Variants in PTPRD observed in about 807,000 individuals in gnomAD.
PTPRD encodes the protein protein tyrosine phosphatase receptor type D.
In PTPRD, 34 loss-of-function variants were observed where a neutral mutation model predicts 214.5. That is an observed-to-expected ratio of 0.16 (90% CI 0.12 to 0.21). The LOEUF (loss-of-function observed/expected upper bound fraction) is 0.21, where lower values mean the gene tolerates loss of function less well. PTPRD is among the 10% of genes least tolerant of loss of function. PTPRD has a pLI of 1.00. For missense variants in PTPRD, 2,545 were observed against 2,398.7 expected, an observed-to-expected ratio of 1.06 and a Z score of -1.27; for synonymous variants, 1,128 against 845.7, an observed-to-expected ratio of 1.33 and a Z score of -5.79.
In PTPRD at chr9:8,517,203, G is replaced by T. The variant is rs544050731; in HGVS notation, c.1543+645C>A. Among the ~76,000 whole-genome samples the T allele has an allele frequency of 6.8e-4, 104 of 151,920 alleles. 1 individual carries two copies. Among genetic ancestry groups the T allele is most frequent in the African/African-American group, 2.4e-3 (100 of 41,470 alleles). On this transcript the variant is annotated intron_variant, in intron 21 of 45. Coordinates refer to ENST00000381196, the MANE Select transcript of PTPRD (RefSeq NM_002839.4). ...ACCAAAGAGGTTTGATAACCTCTTAGAAAAATAAAACCACTGGGAGGGCCA... is the reference window on the plus strand; with the variant it reads ...ACCAAAGAGGTTTGATAACCTCTTATAAAAATAAAACCACTGGGAGGGCCA...
At chr9:8,940,280 C>CTTT (rs34342718) in intron 11 of PTPRD, among the ~76,000 whole-genome samples, 1,020 of 88,950 alleles carry the variant, frequency 0.011, 66 homozygotes, top group African/African-American at 0.042. Context: ...TCTCTCTCTC[C>CTTT]TTTTTTTTTT....
At chr9:9,354,587 C>T (rs1045958798) in intron 9 of PTPRD, among the ~76,000 whole-genome samples, 3 of 151,690 alleles carry the variant, frequency 2.0e-5, no homozygotes, top group South Asian at 2.1e-4. Context: ...AAGTTTCCTT[C>T]CCCTGTAGAA....
intron 8 of PTPRD, among the ~76,000 whole-genome samples, chr9:9,490,958 T>A (rs1463811425): frequency 2.0e-5 from 2 of 101,410 alleles, no homozygotes; most frequent in East Asian, 5.9e-4. Context: ...TGAACTATAA[T>A]GAACTAATAT....
Position 10,022,540 on chromosome 9 carries a change from G to T in PTPRD, c.-472+11178C>A, listed in dbSNP as rs533335417. On this transcript the variant is annotated intron_variant, in intron 4 of 45. Transcript: ENST00000381196. ...ACGGTTTTTGCCATTGAAAGTAATGGCATTACATTTCAGCAAGTAACTGGA... is the reference window on the plus strand; with the variant it reads ...ACGGTTTTTGCCATTGAAAGTAATGTCATTACATTTCAGCAAGTAACTGGA... Among the ~76,000 whole-genome samples the T allele has an allele frequency of 1.3e-3, 193 of 152,202 alleles. 2 individuals carry two copies. Among genetic ancestry groups the T allele is most frequent in the African/African-American group, 4.2e-3 (174 of 41,528 alleles).
At chr9:10,225,268 T>C (rs2099585132) in intron 3 of PTPRD, among the ~76,000 whole-genome samples, 1 of 152,062 alleles carries the variant, frequency 6.6e-6, no homozygotes, top group Non-Finnish European at 1.5e-5. Flanking sequence ...ATGGTTACTA[T>C]AATCACAAAT....
intron 12 of PTPRD, among the ~76,000 whole-genome samples, chr9:8,684,739 G>A (rs2097643591): frequency 6.6e-6 from 1 of 151,998 alleles, no homozygotes; most frequent in African/African-American, 2.4e-5. Flanking sequence ...CAATATTAAG[G>A]GTGCCTGCTG....
intron 7 of PTPRD, among the ~76,000 whole-genome samples, chr9:9,656,870 T>G (rs1383640257): frequency 6.6e-6 from 1 of 150,394 alleles, no homozygotes; most frequent in East Asian, 1.9e-4. Flanking sequence ...TAGGAAAAGA[T>G]ATATATATAT....
intron 11 of PTPRD, among the ~76,000 whole-genome samples, chr9:8,870,714 A>ACGCACACACACACACACG (rs145739792): frequency 6.7e-6 from 1 of 149,978 alleles, no homozygotes; most frequent in Admixed American, 6.7e-5. Flanking sequence ...ACACACACAC[A>ACGCACACACACACACACG]CACACACACA....
intron 34 of PTPRD, among the ~76,000 whole-genome samples, chr9:8,437,545 C>T (rs2095403372): frequency 6.6e-6 from 1 of 152,112 alleles, no homozygotes; most frequent in Admixed American, 6.5e-5. Flanking sequence ...AAAATGTTTC[C>T]ACTAGTAGCA....
At chr9:10,030,833 C>G (rs1253509328) in intron 4 of PTPRD, among the ~76,000 whole-genome samples, 3 of 152,180 alleles carry the variant, frequency 2.0e-5, no homozygotes, top group Admixed American at 6.5e-5. Flanking sequence ...CCTTCGGACT[C>G]TATGGTTTGT....
chr9:9,320,129 A>C (rs1310484970), intron 9 of PTPRD, among the ~76,000 whole-genome samples: 2 of 152,186 alleles, frequency 1.3e-5, no homozygotes, highest in Non-Finnish European at 2.9e-5. Context: ...ATTTAGGTAT[A>C]TAAGAATTCC....
At chr9:10,158,425 T>C (rs1232482856) in intron 3 of PTPRD, among the ~76,000 whole-genome samples, 1 of 152,238 alleles carries the variant, frequency 6.6e-6, no homozygotes, top group Non-Finnish European at 1.5e-5. Context: ...CATTTTGTAA[T>C]AATGAATTGC....
intron 12 of PTPRD, among the ~76,000 whole-genome samples, chr9:8,641,458 C>G (rs1174283900): frequency 6.7e-6 from 1 of 148,516 alleles, no homozygotes; most frequent in East Asian, 1.9e-4. Flanking sequence ...TTGCAAAATG[C>G]ATTTGTGCTC....
intron 12 of PTPRD, among the ~76,000 whole-genome samples, chr9:8,660,517 T>C (rs2097019449): frequency 6.6e-6 from 1 of 152,138 alleles, no homozygotes; most frequent in East Asian, 1.9e-4. Flanking sequence ...TCTGCTTTAT[T>C]GGTTACTGAT....
At chr9:9,084,428 A>T (rs2099763968) in intron 10 of PTPRD, among the ~76,000 whole-genome samples, 1 of 152,156 alleles carries the variant, frequency 6.6e-6, no homozygotes, top group Non-Finnish European at 1.5e-5. Flanking sequence ...AGGGAGGGAT[A>T]GTATTAGCGG....
At chr9:9,775,685 T>C (rs1229520530) in intron 5 of PTPRD, among the ~76,000 whole-genome samples, 1 of 152,188 alleles carries the variant, frequency 6.6e-6, no homozygotes, top group African/African-American at 2.4e-5. Context: ...GGCTCACGCC[T>C]GTAATCCCAG....
At chr9:9,054,623 A>G (rs2099692879) in intron 10 of PTPRD, among the ~76,000 whole-genome samples, 2 of 152,104 alleles carry the variant, frequency 1.3e-5, no homozygotes, top group Admixed American at 6.6e-5. Context: ...GTTACTCAAA[A>G]ATCTCCATGA....
At chr9:9,679,121 G>A (rs1208920769) in intron 7 of PTPRD, among the ~76,000 whole-genome samples, 227 of 141,434 alleles carry the variant, frequency 1.6e-3, no homozygotes, top group African/African-American at 5.1e-3. Flanking sequence ...GAAAAAGGGG[G>A]AAAAAAAAAA....
At chr9:9,988,199 A>G (rs888705824) in intron 4 of PTPRD, among the ~76,000 whole-genome samples, 2 of 152,226 alleles carry the variant, frequency 1.3e-5, no homozygotes, top group African/African-American at 4.8e-5. Context: ...TTATTTATTG[A>G]ACATCAATAT....
Sources: allele counts gnomAD v4.1 joint callset (sites outside exome capture counted in the v4.1 genomes callset), GRCh38; gene constraint gnomAD v4.1.1; transcripts MANE v1.5; gene names NCBI Gene and HGNC (gene_info 2026-07-23, HGNC 2026-07-21).